GALNT9: variants seen among roughly 807,000 people sequenced by gnomAD.
GALNT9 encodes the protein GalNAc transferase 9.
GALNT9 carries 47 observed loss-of-function variants against 63.1 expected under a neutral mutation model. That is an observed-to-expected ratio of 0.75 (90% confidence interval 0.59 to 0.95). GALNT9 has a LOEUF of 0.95. GALNT9 is among the 40% of genes least tolerant of loss of function. GALNT9 has a pLI of 0.00. For missense variants in GALNT9, 829 were observed against 874.8 expected (o/e 0.95, Z 0.66); for synonymous variants, 396 against 365.7 (o/e 1.08, Z -0.94).
At chr12:132,240,383 G>A (rs1878205544) in intron 6 of GALNT9, 1 of 352,088 alleles carries the variant, frequency 2.8e-6, no homozygotes, top group Non-Finnish European at 5.6e-6. Flanking sequence ...CTGGCCAGGT[G>A]GCTGGTGAAA....
intron 6 of GALNT9, 185 bp downstream of exon 6, chr12:132,247,725 C>T: frequency 9.9e-7 from 1 of 1,006,572 alleles, no homozygotes; most frequent in Admixed American, 2.2e-5. Context: ...CGCGGCCTCA[C>T]TCGCCCTCAC....
At chr12:132,309,695 G>C (rs550827332) in intron 1 of GALNT9, among the ~76,000 whole-genome samples, 4 of 152,198 alleles carry the variant, frequency 2.6e-5, no homozygotes, top group Non-Finnish European at 5.9e-5. Context: ...TGCCCCTGCC[G>C]GCACCGTGAC....
chr12:132,257,642 C>A (rs1879187034), intron 5 of GALNT9, 47 bp downstream of exon 5: 2 of 1,457,138 alleles, frequency 1.4e-6, no homozygotes, highest in African/African-American at 1.4e-5. Flanking sequence ...CTCTGCTCCG[C>A]TCCTTGCCGG....
At chr12:132,201,746 T>C (rs79421079) in intron 7 of GALNT9, among the ~76,000 whole-genome samples, 10 of 151,736 alleles carry the variant, frequency 6.6e-5, no homozygotes, top group African/African-American at 2.4e-4. Flanking sequence ...AATCAAGTCC[T>C]TGGGACCCCC....
At chr12:132,326,763 C>T (rs893144171) in intron 1 of GALNT9, among the ~76,000 whole-genome samples, 3 of 152,358 alleles carry the variant, frequency 2.0e-5, no homozygotes, top group East Asian at 3.9e-4. Context: ...TGGGATGTCA[C>T]ATTCTGGAAC....
chr12:132,291,407 C>CACCCACGTCCACA (rs1566015178), intron 1 of GALNT9, among the ~76,000 whole-genome samples: 5 of 124,206 alleles, frequency 4.0e-5, no homozygotes, highest in African/African-American at 1.7e-4. Flanking sequence ...ACGTCCACAG[C>CACCCACGTCCACA]GCACACGTCC....
intron 6 of GALNT9, among the ~76,000 whole-genome samples, chr12:132,206,396 C>T (rs1398058951): frequency 6.6e-6 from 1 of 152,212 alleles, no homozygotes; most frequent in Admixed American, 6.5e-5. Context: ...ACTTGTAATT[C>T]CAGCACTTTG....
chr12:132,207,672 T>G (rs1015900498), intron 6 of GALNT9, among the ~76,000 whole-genome samples: 3 of 152,166 alleles, frequency 2.0e-5, no homozygotes, highest in Non-Finnish European at 4.4e-5. Flanking sequence ...CATCATTAGC[T>G]GAGGACCTGT....
At chr12:132,323,982 C>T (rs1168397307) in intron 1 of GALNT9, among the ~76,000 whole-genome samples, 5 of 152,174 alleles carry the variant, frequency 3.3e-5, no homozygotes, top group Admixed American at 2.6e-4. Context: ...CGTTGTAATA[C>T]ACGGAGGGAA....
chr12:132,294,353 A>G (rs1381482741), intron 1 of GALNT9, among the ~76,000 whole-genome samples: 1 of 152,224 alleles, frequency 6.6e-6, no homozygotes, highest in Non-Finnish European at 1.5e-5. Flanking sequence ...CGTGAACAGC[A>G]GCCTGAGAAC....
intron 2 of GALNT9, among the ~76,000 whole-genome samples, chr12:132,263,358 T>C (rs28485765): frequency 0.069 from 10,471 of 152,280 alleles, 1,202 homozygotes; most frequent in African/African-American, 0.24. Context: ...AAGCTTGGAT[T>C]GCACAGTTTT....
rs567215664 is a variant in GALNT9, at chr12:132,282,825, G to A, written c.419+3425C>T. The A allele has an allele frequency of 6.6e-6, 1 of 152,630 alleles. No homozygotes were observed. The highest frequency in any genetic ancestry group is 2.1e-4 in the South Asian group (1 of 4,820). The allele number at this position is 152,630 out of a possible 1,614,324, so 9.5% of individuals were successfully genotyped here. A position where few individuals can be genotyped will look rare whatever the true frequency, so the allele number is the denominator to read the frequency against. Reference sequence around the variant, plus strand: ...TCTGCAGCTGGGCTGAAATGGATCAGAGCGGGGGGTGTGGACTTCCATCTG... The same window carrying A: ...TCTGCAGCTGGGCTGAAATGGATCAAAGCGGGGGGTGTGGACTTCCATCTG... On this transcript the variant is annotated intron_variant, in intron 2 of 10. Coordinates refer to ENST00000328957, the MANE Select transcript of GALNT9 (RefSeq NM_001122636.2). This position sits in a 1 kb window ranked among gnomAD's most constrained non-coding sequence, Gnocchi z 4.5.
In GALNT9 at chr12:132,294,134, G is replaced by A. The variant is rs557854638; in HGVS notation, c.239-7704C>T. 2.0e-5 allele frequency among the ~76,000 whole-genome samples: 3 copies of A among 152,354 alleles called. No individual in the cohort carries two copies. In the South Asian group the frequency reaches 6.2e-4, roughly 32 times the overall value. ...CCTGGTGACCACTATGGACACATTGGTGGGGCTGGTGGGACTGGGGGGCAC... is the reference window on the plus strand; with the variant it reads ...CCTGGTGACCACTATGGACACATTGATGGGGCTGGTGGGACTGGGGGGCAC... On this transcript the variant is annotated intron_variant, in intron 1 of 10. Coordinates refer to ENST00000328957, the MANE Select transcript of GALNT9 (RefSeq NM_001122636.2).
chr12:132,239,345 C>G (rs2136896830), intron 6 of GALNT9, among the ~76,000 whole-genome samples: 4,969 of 139,324 alleles, frequency 0.036, 178 homozygotes, highest in Middle Eastern at 0.095. Flanking sequence ...GAGTCAGAGA[C>G]AGAGTCAGAG....
Position 132,226,592 on chromosome 12 carries a change from ACAC to A in GALNT9, c.1077+21315_1077+21317del, listed in dbSNP as rs1414090174. ...ACCCACATACACCCCACACACATAC[ACAC>A]CACACACCCCACACCCCACTGTATA... is the stretch of plus-strand genomic sequence containing the variant. On this transcript the variant is annotated intron_variant, in intron 6 of 10. Transcript: ENST00000328957. Among the ~76,000 whole-genome samples the A allele has an allele frequency of 4.0e-5, 5 of 125,256 alleles. No individual in the cohort carries two copies. In the East Asian group the frequency reaches 1.2e-3, roughly 31 times the overall value. The allele number at this position is 125,256 out of a possible 152,430, so 82.2% of individuals were successfully genotyped here. A position where few individuals can be genotyped will look rare whatever the true frequency, so the allele number is the denominator to read the frequency against.
chr12:132,300,784 TCCCACCACACCTAACCCACC>T (rs1180289786), intron 1 of GALNT9, among the ~76,000 whole-genome samples: 6 of 139,242 alleles, frequency 4.3e-5, no homozygotes, highest in East Asian at 2.1e-4. Context: ...ACTAACCCAC[TCCCACCACACCTAACCCACC>T]CCCACCACAC....
intron 6 of GALNT9, among the ~76,000 whole-genome samples, chr12:132,221,720 A>C (rs1397511643): frequency 1.3e-5 from 2 of 148,514 alleles, no homozygotes; most frequent in Non-Finnish European, 3.0e-5. Context: ...ACGCCCCATA[A>C]CGGAAAAGAA....
chr12:132,269,846 A>G (rs925481060), intron 2 of GALNT9, among the ~76,000 whole-genome samples: 4 of 152,174 alleles, frequency 2.6e-5, no homozygotes, highest in African/African-American at 7.2e-5. Flanking sequence ...TGCCTGCAGC[A>G]CACACAGGCG....
At chr12:132,205,636 C>T (rs993532151) in intron 6 of GALNT9, 2 of 152,344 alleles carry the variant, frequency 1.3e-5, no homozygotes, top group African/African-American at 2.4e-5. Context: ...CTTTGCATCC[C>T]GAGGGAGCGA....
Sources: allele counts gnomAD v4.1 joint callset (sites outside exome capture counted in the v4.1 genomes callset), GRCh38; gene constraint gnomAD v4.1.1; non-coding constraint Gnocchi (gnomAD v3.1); transcripts MANE v1.5; gene names NCBI Gene and HGNC (gene_info 2026-07-23, HGNC 2026-07-21).